The following PHACTR1 variants were observed in gnomAD, a reference collection of about 807,000 sequenced individuals.
PHACTR1 encodes phosphatase and actin regulator 1.
PHACTR1 carries 16 observed loss-of-function variants against 69.2 expected under a neutral mutation model. The observed-to-expected ratio is 0.23, with a 90% CI of 0.16 to 0.35. The LOEUF is 0.35. Among genes scored for constraint, PHACTR1 ranks in the 10% least tolerant of loss-of-function variants. The pLI, the probability that PHACTR1 is intolerant of heterozygous loss-of-function variation, is 1.00. For missense variants in PHACTR1, 510 were observed against 734.7 expected (o/e 0.69, Z 3.54); for synonymous variants, 312 against 284.5 (o/e 1.10, Z -0.97).
At chr6:13,192,930 C>T (rs984164657) in intron 7 of PHACTR1, among the ~76,000 whole-genome samples, 8 of 152,134 alleles carry the variant, frequency 5.3e-5, no homozygotes, top group Admixed American at 2.0e-4. Flanking sequence ...AAAATGTTCT[C>T]CAGTTCTAAG....
At chr6:13,030,430 TA>T (rs560460191) in intron 4 of PHACTR1, among the ~76,000 whole-genome samples, 120 of 152,230 alleles carry the variant, frequency 7.9e-4, no homozygotes, top group Non-Finnish European at 1.4e-3. Flanking sequence ...ATGCAGAACA[TA>T]AAAAAATTAC....
chr6:13,121,765 G>A (rs1818773216), intron 5 of PHACTR1, among the ~76,000 whole-genome samples: 1 of 152,178 alleles, frequency 6.6e-6, no homozygotes, highest in East Asian at 1.9e-4. Context: ...TTTCAATCTA[G>A]ACAGGGCCTC....
At chr6:13,094,968 C>T (rs145734785) in intron 5 of PHACTR1, among the ~76,000 whole-genome samples, 68 of 152,212 alleles carry the variant, frequency 4.5e-4, no homozygotes, top group African/African-American at 1.5e-3. Flanking sequence ...AAGCAGGGCC[C>T]TGATGTGGAA....
chr6:12,944,348 G>C (rs1266920050), intron 4 of PHACTR1, among the ~76,000 whole-genome samples: 2 of 152,170 alleles, frequency 1.3e-5, no homozygotes, highest in Non-Finnish European at 2.9e-5. Context: ...ACAAAAGCAA[G>C]CTGCCTAAAA....
Position 13,047,777 on chromosome 6 carries a change from C to T in PHACTR1, c.251-5588C>T, listed in dbSNP as rs770720094. 1.8e-4 allele frequency among the ~76,000 whole-genome samples: 27 copies of T among 152,176 alleles called. 1 individual carries two copies. In the South Asian group the frequency reaches 2.9e-3, roughly 16 times the overall value. ...GGCTGCTCCCTGGGATACTGTATGA[C>T]GAGCACTTTCTAGGCCAGCAGAAAG... On this transcript the variant is annotated intron_variant, in intron 4 of 14. Transcript: ENST00000332995.
intron 4 of PHACTR1, among the ~76,000 whole-genome samples, chr6:12,836,375 C>CCAAACCAAA (rs1778164315): frequency 6.6e-6 from 1 of 152,116 alleles, no homozygotes; most frequent in Non-Finnish European, 1.5e-5. Flanking sequence ...GTTTGGTAAA[C>CCAAACCAAA]CTAAAGAAAT....
intron 4 of PHACTR1, among the ~76,000 whole-genome samples, chr6:12,858,920 GTTC>G (rs1780674608): frequency 6.6e-6 from 1 of 152,022 alleles, no homozygotes; most frequent in Non-Finnish European, 1.5e-5. Flanking sequence ...GATGTTCAGT[GTTC>G]TTCTTCAATG....
intron 4 of PHACTR1, among the ~76,000 whole-genome samples, chr6:12,777,671 A>T (rs1770261369): frequency 8.2e-6 from 1 of 122,380 alleles, no homozygotes; most frequent in South Asian, 2.5e-4. Context: ...TTGCTCTGTC[A>T]CCCAGGCTGG....
intron 4 of PHACTR1, among the ~76,000 whole-genome samples, chr6:12,851,785 T>A (rs1183255656): frequency 1.3e-5 from 2 of 152,174 alleles, no homozygotes; most frequent in South Asian, 4.1e-4. Context: ...TATTCCATGA[T>A]CTTTGGTACT....
chr6:13,282,835 G>A (rs452021), intron 12 of PHACTR1, among the ~76,000 whole-genome samples: 38,096 of 151,868 alleles, frequency 0.25, 8,015 homozygotes, highest in African/African-American at 0.56. Context: ...CACAACAGGC[G>A]CCCACAGCCA....
chr6:13,201,081 A>G (rs535089825), intron 7 of PHACTR1, among the ~76,000 whole-genome samples: 1 of 152,332 alleles, frequency 6.6e-6, no homozygotes, highest in African/African-American at 2.4e-5. Context: ...ACCACAGGGC[A>G]GTGAGCACGT....
chr6:12,940,882 C>T lies in PHACTR1; in HGVS notation c.251-112483C>T, dbSNP rs117370867. Among the ~76,000 whole-genome samples the T allele has an allele frequency of 5.6e-4, 86 of 152,246 alleles. 4 individuals carry two copies. The East Asian group carries it at 0.015, about 26-fold the overall frequency. The stretch of plus-strand genomic sequence containing the variant: ...ATGACGGATGCTAAGACAGAAAAAT[C>T]GGGACAGACAGAAATGATTCTTACT... On this transcript the variant is annotated intron_variant, in intron 4 of 14. Transcript: ENST00000332995.
At chr6:12,953,967 A>C (rs1244046543) in intron 4 of PHACTR1, among the ~76,000 whole-genome samples, 1 of 152,224 alleles carries the variant, frequency 6.6e-6, no homozygotes, top group Non-Finnish European at 1.5e-5. Flanking sequence ...ATGTGATAAA[A>C]GTTATAATAC....
rs377666791 is a variant in PHACTR1, at chr6:12,865,108, A to G, written c.250+115318A>G. Among the ~76,000 whole-genome samples, 55 of 152,198 alleles carry G rather than the reference A, an allele frequency of 3.6e-4. No individual in the cohort carries two copies. The South Asian group carries it at 0.011, about 30-fold the overall frequency. On this transcript the variant is annotated intron_variant, in intron 4 of 14. Coordinates refer to ENST00000332995, the MANE Select transcript of PHACTR1 (RefSeq NM_030948.6). ...TCCTGGGACTACCCCAACTTTTAAA[A>G]TGGGAAGTTCCTCATCCCAGGAAAA...
intron 4 of PHACTR1, among the ~76,000 whole-genome samples, chr6:12,903,841 T>C (rs796951692): frequency 1.3e-4 from 20 of 152,372 alleles, no homozygotes; most frequent in African/African-American, 4.3e-4. Context: ...TAAACCATTC[T>C]AAATGGGTCA....
At chr6:13,167,270 G>T (rs771558353) in intron 6 of PHACTR1, among the ~76,000 whole-genome samples, 2 of 152,188 alleles carry the variant, frequency 1.3e-5, no homozygotes, top group Non-Finnish European at 2.9e-5. Flanking sequence ...TGCTGTATTT[G>T]TAGAATGTTA....
chr6:12,740,375 T>C (rs1382318940), intron 3 of PHACTR1, among the ~76,000 whole-genome samples: 2 of 152,302 alleles, frequency 1.3e-5, no homozygotes, highest in Non-Finnish European at 2.9e-5. Flanking sequence ...CAGCATTGCA[T>C]GGATGCTCCA....
intron 4 of PHACTR1, among the ~76,000 whole-genome samples, chr6:12,893,456 C>T (rs1204581453): frequency 1.3e-5 from 2 of 152,312 alleles, no homozygotes; most frequent in Non-Finnish European, 1.5e-5. Context: ...AACTGGAAAG[C>T]GAATCCCTGG....
intron 4 of PHACTR1, among the ~76,000 whole-genome samples, chr6:13,003,950 C>CATATATATATATATATATATA: frequency 1.2e-5 from 1 of 81,364 alleles, no homozygotes; most frequent in East Asian, 2.3e-4. Context: ...CAGTAGTATT[C>CATATATATATATATATATATA]CTATATATAT....
Sources: gnomAD v4.1 joint callset for allele counts (sites outside exome capture counted in the v4.1 genomes callset) on GRCh38, gnomAD v4.1.1 for gene constraint, MANE v1.5 for transcripts, NCBI Gene and HGNC (gene_info 2026-07-23, HGNC 2026-07-21) for gene names.